ADARB2: variants seen among roughly 807,000 people sequenced by gnomAD.
ADARB2 encodes adenosine deaminase RNA specific B2 (inactive).
Under a neutral mutation model 62.2 loss-of-function variants are expected in ADARB2, and 25 were observed. The observed-to-expected ratio is 0.40, with a 90% CI of 0.29 to 0.56. The LOEUF (loss-of-function observed/expected upper bound fraction) is 0.56. Ranked by LOEUF, ADARB2 falls within the 20% of genes least tolerant of loss-of-function variation. ADARB2 has a pLI of 0.43. For synonymous variants in ADARB2, 572 were observed against 500.8 expected (o/e 1.14, Z -1.90); for missense variants, 1,071 against 1,077.4 (o/e 0.99, Z 0.08).
chr10:1,557,107 C>G, intron 1 of ADARB2: 1 of 343,624 alleles, frequency 2.9e-6, no homozygotes, highest in African/African-American at 2.2e-5. Context: ...CCTTCCATTG[C>G]CTCAGTTTCA....
At chr10:1,251,963 A>C (rs1350830523) in intron 4 of ADARB2, among the ~76,000 whole-genome samples, 1 of 152,196 alleles carries the variant, frequency 6.6e-6, no homozygotes, top group African/African-American at 2.4e-5. Flanking sequence ...CCCAGCCCCC[A>C]GAACTGTGAG....
At position 1,516,296 on chromosome 10, in the gene ADARB2, C is replaced by T. The variant is rs536030365; in HGVS notation, c.101-137136G>A. On this transcript the variant is annotated intron_variant, in intron 1 of 9. Transcript: ENST00000381312. ...TCTCCTTTCCCAGGACAATGGAGGC[C>T]GGCAGGTGAGCTCTGACAGGTGTGT... Among the ~76,000 whole-genome samples, 10 of 152,302 alleles carry T rather than the reference C, an allele frequency of 6.6e-5. No individual in the cohort carries two copies. The East Asian group carries it at 1.3e-3, about 21-fold the overall frequency.
At chr10:1,300,825 C>T (rs1476843191) in intron 3 of ADARB2, among the ~76,000 whole-genome samples, 1 of 152,172 alleles carries the variant, frequency 6.6e-6, no homozygotes, top group Non-Finnish European at 1.5e-5. Context: ...ATTACAACCC[C>T]ACTTGTTCTT....
chr10:1,244,806 A>G (rs2131778945), intron 4 of ADARB2, among the ~76,000 whole-genome samples: 1 of 152,280 alleles, frequency 6.6e-6, no homozygotes, highest in South Asian at 2.1e-4. Context: ...TGGCAGGAGG[A>G]GGCGTCCTAG....
chr10:1,702,940 C>T (rs1404218992), intron 1 of ADARB2, among the ~76,000 whole-genome samples: 1 of 152,206 alleles, frequency 6.6e-6, no homozygotes, highest in Admixed American at 6.5e-5. Flanking sequence ...ATGGTAGGGA[C>T]TCATTTTCAT....
chr10:1,314,901 G>A (rs1449622432), intron 3 of ADARB2, among the ~76,000 whole-genome samples: 1 of 152,148 alleles, frequency 6.6e-6, no homozygotes, highest in East Asian at 1.9e-4. Context: ...TTTCACTGTT[G>A]GTGCAAAATT....
intron 1 of ADARB2, among the ~76,000 whole-genome samples, chr10:1,665,326 G>C (rs1325785233): frequency 1.3e-5 from 2 of 152,240 alleles, no homozygotes; most frequent in Non-Finnish European, 2.9e-5. Flanking sequence ...AGTGGGCGTT[G>C]TGCGCAGACA....
At chr10:1,316,827 C>G (rs188509526) in intron 3 of ADARB2, among the ~76,000 whole-genome samples, 1 of 152,242 alleles carries the variant, frequency 6.6e-6, no homozygotes, top group Admixed American at 6.5e-5. Flanking sequence ...GAAGGAAATA[C>G]TAAAATGATA....
At chr10:1,252,891 C>T (rs970405733) in intron 4 of ADARB2, among the ~76,000 whole-genome samples, 2 of 152,106 alleles carry the variant, frequency 1.3e-5, no homozygotes, top group Admixed American at 1.3e-4. Context: ...ACCAGTGTCT[C>T]CTGGGCTTTT....
At chr10:1,553,058 C>T (rs1832651072) in intron 1 of ADARB2, among the ~76,000 whole-genome samples, 1 of 152,234 alleles carries the variant, frequency 6.6e-6, no homozygotes, top group Non-Finnish European at 1.5e-5. Context: ...CCGCAGCTCC[C>T]TGCCGGAGAC....
At chr10:1,288,273 C>T (rs144114095) in intron 3 of ADARB2, among the ~76,000 whole-genome samples, 1 of 152,190 alleles carries the variant, frequency 6.6e-6, no homozygotes, top group Non-Finnish European at 1.5e-5. Flanking sequence ...AAATACAGGG[C>T]AAAATAAGAC....
intron 1 of ADARB2, among the ~76,000 whole-genome samples, chr10:1,628,665 G>T (rs578210417): frequency 3.3e-5 from 5 of 152,328 alleles, no homozygotes; most frequent in South Asian, 4.1e-4. Context: ...TCAAGGAAAA[G>T]AATTTGAATC....
intron 1 of ADARB2, among the ~76,000 whole-genome samples, chr10:1,600,248 C>CT (rs1833392746): frequency 6.6e-6 from 1 of 152,116 alleles, no homozygotes; most frequent in Non-Finnish European, 1.5e-5. Context: ...GGATGGGGTG[C>CT]TGAGGCCTGG....
At chr10:1,373,171 C>T (rs12766316) in intron 2 of ADARB2, among the ~76,000 whole-genome samples, 1 of 152,042 alleles carries the variant, frequency 6.6e-6, no homozygotes, top group Non-Finnish European at 1.5e-5. Context: ...CAGATCCCGA[C>T]TTGACAAAGC....
intron 1 of ADARB2, among the ~76,000 whole-genome samples, chr10:1,581,952 A>G (rs922039434): frequency 6.6e-6 from 1 of 151,666 alleles, no homozygotes; most frequent in Non-Finnish European, 1.5e-5. Context: ...ACAGGAAACC[A>G]TCTCCTCCCC....
chr10:1,552,039 C>T (rs905662667), intron 1 of ADARB2, among the ~76,000 whole-genome samples: 3 of 152,082 alleles, frequency 2.0e-5, no homozygotes, highest in East Asian at 1.9e-4. Context: ...GCCCTCCTCC[C>T]GCATGTGGCC....
chr10:1,536,409 T>C (rs192471840), intron 1 of ADARB2, among the ~76,000 whole-genome samples: 3 of 152,310 alleles, frequency 2.0e-5, no homozygotes, highest in East Asian at 3.9e-4. Flanking sequence ...AAATCTATGG[T>C]ATTTTGTGAT....
At chr10:1,335,739 T>C (rs1461296699) in intron 3 of ADARB2, among the ~76,000 whole-genome samples, 1 of 152,244 alleles carries the variant, frequency 6.6e-6, no homozygotes, top group Non-Finnish European at 1.5e-5. Context: ...GGAAATACTC[T>C]GTCACTTTTC....
At chr10:1,241,617 C>G (rs959072495) in intron 5 of ADARB2, among the ~76,000 whole-genome samples, 1 of 152,220 alleles carries the variant, frequency 6.6e-6, no homozygotes, top group Non-Finnish European at 1.5e-5. Flanking sequence ...TGCCCCATGA[C>G]AGCCACCAAT....
Sources: gnomAD v4.1 joint callset for allele counts (sites outside exome capture counted in the v4.1 genomes callset) on GRCh38, gnomAD v4.1.1 for gene constraint, MANE v1.5 for transcripts, NCBI Gene and HGNC (gene_info 2026-07-23, HGNC 2026-07-21) for gene names.